The following ESR1 variants were observed in gnomAD, a reference collection of about 807,000 sequenced individuals.
ESR1 encodes the protein estrogen receptor 1.
Under a neutral mutation model 52.7 loss-of-function variants are expected in ESR1, and 12 were observed. The observed-to-expected ratio is 0.23, with a 90% CI of 0.15 to 0.37. The LOEUF (loss-of-function observed/expected upper bound fraction) is 0.37. ESR1 is among the 10% of genes least tolerant of loss of function. The pLI, the probability that ESR1 is intolerant of heterozygous loss-of-function variation, is 1.00. For synonymous variants in ESR1, 305 were observed against 316.8 expected, an observed-to-expected ratio of 0.96 and a Z score of 0.39; for missense variants, 584 against 779.7, an observed-to-expected ratio of 0.75 and a Z score of 2.99.
intron 2 of ESR1, among the ~76,000 whole-genome samples, chr6:151,746,452 C>G (rs1284867962): frequency 6.6e-6 from 1 of 152,094 alleles, no homozygotes. Flanking sequence ...GTTTTATAAC[C>G]AACCCTATGC....
chr6:151,810,294 A>T (rs35370957), intron 1 of ESR1, among the ~76,000 whole-genome samples: 1 of 152,124 alleles, frequency 6.6e-6, no homozygotes, highest in Non-Finnish European at 1.5e-5. Context: ...TAAAAAAAAA[A>T]CTTGCACAAA....
At chr6:151,922,528 T>C (rs1056046639) in intron 3 of ESR1, among the ~76,000 whole-genome samples, 29 of 152,238 alleles carry the variant, frequency 1.9e-4, no homozygotes, top group Non-Finnish European at 7.4e-5. Flanking sequence ...GCTCATCTTG[T>C]TCCAGCTTTG....
chr6:151,942,972 G>A (rs930909274), intron 3 of ESR1, among the ~76,000 whole-genome samples: 1 of 151,978 alleles, frequency 6.6e-6, no homozygotes, highest in African/African-American at 2.4e-5. Context: ...GTACAGTATG[G>A]CCTTTTTCAG....
At chr6:151,861,362 T>C (rs778024126) in intron 2 of ESR1, among the ~76,000 whole-genome samples, 5 of 152,160 alleles carry the variant, frequency 3.3e-5, no homozygotes, top group Admixed American at 6.5e-5. Flanking sequence ...AGAAGGAGAA[T>C]AGATTGCAAA....
At chr6:152,081,634 AC>A (rs1376732729) in intron 6 of ESR1, among the ~76,000 whole-genome samples, 10 of 151,826 alleles carry the variant, frequency 6.6e-5, no homozygotes, top group Non-Finnish European at 1.3e-4. Context: ...TCAGAGCAGA[AC>A]TGAAGGAGAC....
intron 6 of ESR1, among the ~76,000 whole-genome samples, chr6:152,123,479 A>G (rs994479667): frequency 1.3e-5 from 2 of 152,196 alleles, no homozygotes; most frequent in African/African-American, 4.8e-5. Context: ...CTTCCTTTTA[A>G]ACAGTGCATT....
intron 4 of ESR1, among the ~76,000 whole-genome samples, chr6:151,965,610 C>G (rs1021357306): frequency 1.3e-5 from 2 of 152,016 alleles, no homozygotes; most frequent in African/African-American, 2.4e-5. Context: ...TATAGTTTTT[C>G]AGTTCACCCA....
chr6:151,904,565 G>A (rs149434946), intron 3 of ESR1, among the ~76,000 whole-genome samples: 192 of 152,042 alleles, frequency 1.3e-3, no homozygotes, highest in Non-Finnish European at 2.2e-3. Context: ...AATTTTCCAG[G>A]TATTCTTTTA....
chr6:151,887,758 A>G (rs1794083572), intron 3 of ESR1, among the ~76,000 whole-genome samples: 1 of 152,002 alleles, frequency 6.6e-6, no homozygotes, highest in Non-Finnish European at 1.5e-5. Flanking sequence ...CAGCACAACA[A>G]TCCCTATAAG....
chr6:152,027,810 T>C (rs1200911802), intron 5 of ESR1, among the ~76,000 whole-genome samples: 1 of 152,238 alleles, frequency 6.6e-6, no homozygotes, highest in African/African-American at 2.4e-5. Context: ...ATATGTAGAC[T>C]CAAATCAGAC....
At chr6:151,972,663 C>T (rs2039029132) in intron 4 of ESR1, among the ~76,000 whole-genome samples, 2 of 152,130 alleles carry the variant, frequency 1.3e-5, no homozygotes, top group South Asian at 4.2e-4. Context: ...ATGTTAATGG[C>T]ACCTGTATTA....
chr6:151,920,086 T>C (rs1365437778), intron 3 of ESR1, among the ~76,000 whole-genome samples: 1 of 152,166 alleles, frequency 6.6e-6, no homozygotes, highest in East Asian at 1.9e-4. Context: ...CTGACAACTT[T>C]AATTTTTCAT....
At chr6:151,676,725 G>A (rs1159132102) in intron 1 of ESR1, among the ~76,000 whole-genome samples, 3 of 152,162 alleles carry the variant, frequency 2.0e-5, no homozygotes, top group African/African-American at 7.2e-5. Context: ...TCCCTTATCT[G>A]CACCCTGTCT....
In ESR1 at chr6:152,061,327, A is replaced by G. The variant is rs897681629; in HGVS notation, c.1369+203A>G. ...GCCAAATAGACACATGAAAAATTGT[A>G]ATTTGGCATTGAATCAAATGGCCTT... On this transcript the variant is annotated intron_variant, in intron 6 of 7. Transcript: ENST00000206249. This position sits in a 1 kb window ranked among gnomAD's most constrained non-coding sequence, Gnocchi z 4.3. 6.6e-6 allele frequency among the ~76,000 whole-genome samples: 1 copy of G among 152,224 alleles called. No individual in the cohort carries two copies. Among genetic ancestry groups the G allele is most frequent in the Non-Finnish European group, 1.5e-5 (1 of 68,044 alleles).
At chr6:151,665,617 C>CT (rs950958491) in intron 1 of ESR1, among the ~76,000 whole-genome samples, 24 of 151,124 alleles carry the variant, frequency 1.6e-4, no homozygotes, top group East Asian at 5.8e-4. Flanking sequence ...CTTTTCTTTT[C>CT]TTTTTTTTTC....
At chr6:151,736,375 G>GTTCTTTTTTTTTTTTTTTTTTTTTTTTT (rs748276035) in intron 2 of ESR1, among the ~76,000 whole-genome samples, 1 of 112,742 alleles carries the variant, frequency 8.9e-6, no homozygotes, top group African/African-American at 3.8e-5. Flanking sequence ...TCCAGGTAGT[G>GTTCTTTTTTTTTTTTTTTTTTTTTTTTT]TTTTTTTTTT....
chr6:151,931,263 C>T (rs1191013944), intron 3 of ESR1, among the ~76,000 whole-genome samples: 1 of 151,926 alleles, frequency 6.6e-6, no homozygotes, highest in Non-Finnish European at 1.5e-5. Context: ...ACTTATCTTT[C>T]AGCTCACTGA....
At chr6:152,077,946 G>T (rs1196365435) in intron 6 of ESR1, among the ~76,000 whole-genome samples, 1 of 152,158 alleles carries the variant, frequency 6.6e-6, no homozygotes, top group Non-Finnish European at 1.5e-5. Context: ...TCTGAAATGA[G>T]TTAAGACTTT....
In ESR1 at chr6:151,728,060, T is replaced by A. The variant is rs143618331; in HGVS notation, c.-71+26055T>A. On this transcript the variant is annotated intron_variant, in intron 2 of 2. Coordinates refer to the ESR1 transcript ENST00000404742. ...GAGTATATCCAATGGGAGAGGAGATTTTTTTCTCACAGCCAAATCAGGACA... is the reference window on the plus strand; with the variant it reads ...GAGTATATCCAATGGGAGAGGAGATATTTTTCTCACAGCCAAATCAGGACA... Among the ~76,000 whole-genome samples, 1,223 of 152,208 alleles carry A rather than the reference T, an allele frequency of 8.0e-3. 12 individuals carry two copies. Among genetic ancestry groups the A allele is most frequent in the Middle Eastern group, 0.02 (6 of 294 alleles).
Sources: gnomAD v4.1 joint callset for allele counts (sites outside exome capture counted in the v4.1 genomes callset) on GRCh38, gnomAD v4.1.1 for gene constraint, Gnocchi (gnomAD v3.1) non-coding constraint, MANE v1.5 for transcripts, NCBI Gene and HGNC (gene_info 2026-07-23, HGNC 2026-07-21) for gene names.